The following RAB11FIP4 variants were observed in gnomAD, a reference collection of about 807,000 sequenced individuals.
RAB11FIP4 encodes the protein rab11 family-interacting protein 4.
Under a neutral mutation model 74.3 loss-of-function variants are expected in RAB11FIP4, and 23 were observed. The ratio of observed to expected loss-of-function variants is 0.31; its 90% CI spans 0.22 to 0.44. The LOEUF (loss-of-function observed/expected upper bound fraction) is 0.44. Among genes scored for constraint, RAB11FIP4 ranks in the 20% least tolerant of loss-of-function variants. The pLI is 1.00. For synonymous variants in RAB11FIP4, 360 were observed against 359.9 expected (o/e 1.00, Z 0.00); for missense variants, 630 against 863.9 (o/e 0.73, Z 3.39).
At chr17:31,513,093 A>G (rs1194382043) in intron 3 of RAB11FIP4, among the ~76,000 whole-genome samples, 2 of 152,098 alleles carry the variant, frequency 1.3e-5, no homozygotes, top group Non-Finnish European at 1.5e-5. Context: ...CCTGACGAGC[A>G]TAGTGCGGTG....
intron 1 of RAB11FIP4, among the ~76,000 whole-genome samples, chr17:31,404,469 G>A (rs971605830): frequency 6.6e-6 from 1 of 152,258 alleles, no homozygotes; most frequent in Non-Finnish European, 1.5e-5. Context: ...GTGACTCTGA[G>A]AAGTTACTTA....
At chr17:31,417,153 A>T (rs1419275147) in intron 1 of RAB11FIP4, among the ~76,000 whole-genome samples, 1 of 151,550 alleles carries the variant, frequency 6.6e-6, no homozygotes, top group Non-Finnish European at 1.5e-5. Context: ...CTAGCAGGAA[A>T]CCCTGCAACT....
At chr17:31,432,807 CACTT>C (rs1385934336) in intron 2 of RAB11FIP4, among the ~76,000 whole-genome samples, 1 of 152,182 alleles carries the variant, frequency 6.6e-6, no homozygotes, top group Non-Finnish European at 1.5e-5. Flanking sequence ...TATGGCCACT[CACTT>C]ACTACTAAGC....
chr17:31,518,085 A>G (rs1210057425), intron 4 of RAB11FIP4, among the ~76,000 whole-genome samples: 2 of 152,236 alleles, frequency 1.3e-5, no homozygotes, highest in African/African-American at 4.8e-5. Context: ...GCAGCTGTGC[A>G]AAGTCAAGTT....
At chr17:31,481,675 C>T (rs1408650112) in intron 3 of RAB11FIP4, among the ~76,000 whole-genome samples, 1 of 152,320 alleles carries the variant, frequency 6.6e-6, no homozygotes, top group Admixed American at 6.5e-5. Context: ...GGACTTCCTC[C>T]TCCCCTGCCA....
In RAB11FIP4 at chr17:31,531,799, C is replaced by A; in HGVS notation, c.*67C>A. 1 of 1,037,206 alleles carries A rather than the reference C, an allele frequency of 9.6e-7. No individual in the cohort carries two copies. Among genetic ancestry groups the A allele is most frequent in the Non-Finnish European group, 1.5e-6 (1 of 666,184 alleles). 64.3% of individuals were successfully genotyped at this position (1,037,206 alleles called of 1,614,324 possible). A position where few individuals can be genotyped will look rare whatever the true frequency, so the allele number is the denominator to read the frequency against. Reference sequence around the variant, plus strand: ...CAAGGGCAGACCCTGCCCAAGGATGCAGGCCTAAGCCGGGCCTCACACTCA... The same window carrying A: ...CAAGGGCAGACCCTGCCCAAGGATGAAGGCCTAAGCCGGGCCTCACACTCA... On this transcript the variant is annotated 3_prime_UTR_variant, in exon 15 of 15. Transcript: ENST00000621161.
At chr17:31,493,873 T>C (rs2072061779) in intron 3 of RAB11FIP4, among the ~76,000 whole-genome samples, 1 of 151,936 alleles carries the variant, frequency 6.6e-6, no homozygotes, top group Non-Finnish European at 1.5e-5. Flanking sequence ...CAGCTTTGGG[T>C]TTAGTCTGTC....
chr17:31,431,320 C>T (rs1193336788), intron 1 of RAB11FIP4, among the ~76,000 whole-genome samples: 1 of 152,192 alleles, frequency 6.6e-6, no homozygotes, highest in African/African-American at 2.4e-5. Flanking sequence ...TCATCTAACA[C>T]TCTTCATTGA....
Position 31,525,079 on chromosome 17 carries a change from G to A in RAB11FIP4, c.1134-11G>A, listed in dbSNP as rs112675095. The A allele has an allele frequency of 2.3e-5, 35 of 1,550,110 alleles. No homozygotes were observed. The highest frequency in any genetic ancestry group is 2.1e-4 in the Middle Eastern group (1 of 4,860). ...CAGGCCCCAAGAGCTTGCCCATTGC[G>A]CTGTCCTCAGGGTGCATGAGCTGGA... On this transcript the variant is annotated splice_polypyrimidine_tract_variant and intron_variant, in intron 9 of 14. Transcript: ENST00000621161.
At chr17:31,464,221 C>G (rs1045543462) in intron 3 of RAB11FIP4, among the ~76,000 whole-genome samples, 2 of 151,286 alleles carry the variant, frequency 1.3e-5, no homozygotes, top group Non-Finnish European at 1.5e-5. Context: ...TGTGGGGGAC[C>G]CCCCCAGCTT....
intron 1 of RAB11FIP4, among the ~76,000 whole-genome samples, chr17:31,407,291 C>T (rs899049250): frequency 3.3e-5 from 5 of 152,082 alleles, no homozygotes; most frequent in African/African-American, 1.2e-4. Context: ...TCAAGCAATC[C>T]TCCTGCCTCA....
intron 3 of RAB11FIP4, among the ~76,000 whole-genome samples, chr17:31,505,543 AT>A: frequency 1.5e-5 from 1 of 67,330 alleles, no homozygotes; most frequent in Non-Finnish European, 2.9e-5. Context: ...ATTATTATAT[AT>A]TATATATAAT....
Position 31,532,581 on chromosome 17 carries a change from A to T in RAB11FIP4, c.*849A>T, listed in dbSNP as rs1292927515. 1 of 152,418 alleles carries T rather than the reference A, an allele frequency of 6.6e-6. No homozygotes were observed. Among genetic ancestry groups the T allele is most frequent in the African/African-American group, 2.4e-5 (1 of 41,432 alleles). The allele number at this position is 152,418 out of a possible 1,614,324, so 9.4% of individuals were successfully genotyped here. The stretch of plus-strand genomic sequence containing the variant: ...TTGACATCGGGCAACCAAAGAAATG[A>T]GTTTTGGGGAGGAACACAACTCCCA... On this transcript the variant is annotated 3_prime_UTR_variant, in exon 15 of 15. Transcript: ENST00000621161.
intron 13 of RAB11FIP4, among the ~76,000 whole-genome samples, 184 bp from the exon 14 acceptor site, chr17:31,530,142 A>G (rs542769077): frequency 7.9e-5 from 12 of 152,326 alleles, no homozygotes; most frequent in African/African-American, 2.6e-4. Context: ...ACCAGGACCC[A>G]GCCCTCCTTG....
chr17:31,517,779 A>C lies in RAB11FIP4; in HGVS notation c.465A>C (p.Thr155=), dbSNP rs755287266. The C allele has an allele frequency of 1.3e-6, 2 of 1,562,464 alleles. No homozygotes were observed. The highest frequency in any genetic ancestry group is 2.4e-5 in the South Asian group (2 of 84,832). The change falls in exon 4 of 15, where the codon ACA becomes ACC. Residue 155 remains threonine, a synonymous_variant. Transcript: ENST00000621161. ...CTGAGGGCCCCCAGGAGTTGTACACAGACAGCCCCATGGAGAGCACTCAGA... is the reference window on the plus strand; with the variant it reads ...CTGAGGGCCCCCAGGAGTTGTACACCGACAGCCCCATGGAGAGCACTCAGA... ...APPEGPQELY[T]DSPMESTQSL...
intron 3 of RAB11FIP4, among the ~76,000 whole-genome samples, chr17:31,498,788 C>T (rs1313822204): frequency 6.6e-6 from 1 of 152,132 alleles, no homozygotes; most frequent in African/African-American, 2.4e-5. Flanking sequence ...CCTGACCTAC[C>T]CGGTGGACTC....
intron 2 of RAB11FIP4, 145 bp from the exon 3 acceptor site, chr17:31,433,889 G>C (rs1028623013): frequency 5.5e-6 from 4 of 724,730 alleles, no homozygotes; most frequent in Non-Finnish European, 9.4e-6. Flanking sequence ...CTCCATCCCT[G>C]CCTTCCAGTG....
At position 31,505,639 on chromosome 17, in the gene RAB11FIP4, A is replaced by T. The variant is rs1312654284; in HGVS notation, c.337-12012A>T. On this transcript the variant is annotated intron_variant, in intron 3 of 14. Coordinates refer to ENST00000621161, the MANE Select transcript of RAB11FIP4 (RefSeq NM_032932.6). ...ATATAATATATAATTATATAATAAT[A>T]ATTATATATAATATATAATAATTAT... 8.0e-4 allele frequency among the ~76,000 whole-genome samples: 78 copies of T among 97,504 alleles called. 1 individual carries two copies. Among genetic ancestry groups the T allele is most frequent in the Non-Finnish European group, 1.2e-3 (67 of 55,220 alleles). The allele number at this position is 97,504 out of a possible 152,430, so 64.0% of individuals were successfully genotyped here.
At chr17:31,446,722 G>T (rs1431781528) in intron 3 of RAB11FIP4, among the ~76,000 whole-genome samples, 1 of 152,124 alleles carries the variant, frequency 6.6e-6, no homozygotes, top group African/African-American at 2.4e-5. Context: ...TACACTGGAC[G>T]GTGCTTCTCC....
Sources: allele counts gnomAD v4.1 joint callset (sites outside exome capture counted in the v4.1 genomes callset), GRCh38; gene constraint gnomAD v4.1.1; transcripts MANE v1.5; gene names NCBI Gene and HGNC (gene_info 2026-07-23, HGNC 2026-07-21).